The following EIPR1 variants were observed in gnomAD, a reference collection of about 807,000 sequenced individuals.
EIPR1 encodes the protein EARP complex and GARP complex interacting protein 1.
EIPR1 carries 25 observed loss-of-function variants against 48.1 expected under a neutral mutation model. The observed-to-expected ratio is 0.52, with a 90% CI of 0.38 to 0.73. The LOEUF (loss-of-function observed/expected upper bound fraction) is 0.73. Among genes scored for constraint, EIPR1 ranks in the 30% least tolerant of loss-of-function variants. The pLI is 0.00. For missense variants in EIPR1, 415 were observed against 506.2 expected, an observed-to-expected ratio of 0.82 and a Z score of 1.73; for synonymous variants, 204 against 201.9, an observed-to-expected ratio of 1.01 and a Z score of -0.09.
chr2:3,342,607 T>C lies in EIPR1; in HGVS notation c.127-4458A>G, dbSNP rs1670285585. ...CCACCTGGGCCCGCCTTTCTTCCCA[T>C]AAAGCTGTTTTCCTTCTTGTGAAGA... On this transcript the variant is annotated intron_variant, in intron 2 of 8. Transcript: ENST00000382125. Among the ~76,000 whole-genome samples, 5 of 152,248 alleles carry C rather than the reference T, an allele frequency of 3.3e-5. 1 individual carries two copies. The South Asian group carries it at 1.0e-3, about 31-fold the overall frequency.
At chr2:3,368,526 G>A (rs2103390429) in intron 1 of EIPR1, among the ~76,000 whole-genome samples, 1 of 152,262 alleles carries the variant, frequency 6.6e-6, no homozygotes, top group East Asian at 1.9e-4. Context: ...CCTACACATG[G>A]GCAGAGCCAC....
intron 4 of EIPR1, among the ~76,000 whole-genome samples, chr2:3,249,146 A>C (rs892171052): frequency 1.3e-5 from 2 of 152,210 alleles, no homozygotes; most frequent in African/African-American, 2.4e-5. Flanking sequence ...TCAGAAAAAG[A>C]AAGCAAGATG....
chr2:3,249,197 G>A (rs143261238), intron 4 of EIPR1, among the ~76,000 whole-genome samples: 1 of 152,200 alleles, frequency 6.6e-6, no homozygotes, highest in Non-Finnish European at 1.5e-5. Context: ...TTGAGTGATT[G>A]TAGCCAAAAT....
chr2:3,366,590 A>G (rs1670978277), intron 1 of EIPR1, among the ~76,000 whole-genome samples: 2 of 152,354 alleles, frequency 1.3e-5, no homozygotes, highest in South Asian at 2.1e-4. Flanking sequence ...AATAAAATCA[A>G]GAAGTGAGTG....
intron 1 of EIPR1, among the ~76,000 whole-genome samples, chr2:3,356,700 C>A (rs958628485): frequency 2.6e-5 from 4 of 152,166 alleles, no homozygotes; most frequent in African/African-American, 4.8e-5. Context: ...ATTATTTAAT[C>A]GCATGGGTCA....
chr2:3,341,879 A>G (rs1301852660), intron 2 of EIPR1, among the ~76,000 whole-genome samples: 1 of 152,178 alleles, frequency 6.6e-6, no homozygotes, highest in Non-Finnish European at 1.5e-5. Flanking sequence ...ACTAGTAACA[A>G]ATACATGAAG....
chr2:3,229,959 G>C (rs765912327), intron 4 of EIPR1, among the ~76,000 whole-genome samples: 1 of 152,014 alleles, frequency 6.6e-6, no homozygotes, highest in Non-Finnish European at 1.5e-5. Context: ...TTACTCACAG[G>C]GGTATCTGCT....
At chr2:3,303,218 C>CA (rs1345051054) in intron 3 of EIPR1, among the ~76,000 whole-genome samples, 1 of 152,194 alleles carries the variant, frequency 6.6e-6, no homozygotes, top group African/African-American at 2.4e-5. Context: ...AAAAGGAGAT[C>CA]AACGTGAGGG....
intron 1 of EIPR1, among the ~76,000 whole-genome samples, chr2:3,358,735 A>T (rs1035317844): frequency 6.6e-5 from 10 of 152,236 alleles, no homozygotes; most frequent in Admixed American, 6.5e-4. Context: ...GATGAGGAGG[A>T]GGGCAAGCCA....
chr2:3,279,610 C>T (rs1253921360), intron 3 of EIPR1, among the ~76,000 whole-genome samples: 1 of 152,180 alleles, frequency 6.6e-6, no homozygotes, highest in Non-Finnish European at 1.5e-5. Flanking sequence ...GAAATGAATG[C>T]ACATATCATG....
intron 4 of EIPR1, among the ~76,000 whole-genome samples, chr2:3,234,883 C>G (rs1453447413): frequency 1.3e-5 from 2 of 152,264 alleles, no homozygotes; most frequent in Admixed American, 1.3e-4. Context: ...CCAAAAGACA[C>G]TCCAGAGAGT....
At position 3,189,612 on chromosome 2, in the gene EIPR1, C is replaced by T. The variant is rs991937814; in HGVS notation, c.990-104G>A. The T allele has an allele frequency of 3.9e-5, 45 of 1,144,016 alleles. No homozygotes were observed. Among genetic ancestry groups the T allele is most frequent in the Non-Finnish European group, 5.0e-5 (42 of 846,314 alleles). The allele number at this position is 1,144,016 out of a possible 1,614,324, so 70.9% of individuals were successfully genotyped here. On this transcript the variant is annotated intron_variant, in intron 8 of 8. Coordinates refer to ENST00000382125, the MANE Select transcript of EIPR1 (RefSeq NM_003310.5). This position sits in a 1 kb window ranked among gnomAD's most constrained non-coding sequence, Gnocchi z 4.6. ...CTGACATCGGGAGACACGGGAGGTACTGGGGCCTCAGCTTTCTCCGCTGTG... is the reference window on the plus strand; with the variant it reads ...CTGACATCGGGAGACACGGGAGGTATTGGGGCCTCAGCTTTCTCCGCTGTG...
At chr2:3,250,805 C>T (rs921461514) in intron 4 of EIPR1, among the ~76,000 whole-genome samples, 2 of 152,164 alleles carry the variant, frequency 1.3e-5, no homozygotes, top group Non-Finnish European at 2.9e-5. Flanking sequence ...CTGGCAGCTG[C>T]TTCTTTCTCC....
chr2:3,252,352 A>T (rs1184183077), intron 4 of EIPR1, among the ~76,000 whole-genome samples: 2 of 152,208 alleles, frequency 1.3e-5, no homozygotes, highest in African/African-American at 4.8e-5. Context: ...GCACTTTCGG[A>T]GGCTGAGGTG....
At chr2:3,377,602 T>C in intron 1 of EIPR1, 46 bp downstream of exon 1, 1 of 1,555,124 alleles carries the variant, frequency 6.4e-7, no homozygotes, top group Non-Finnish European at 8.7e-7. Context: ...GCGCATGCTA[T>C]CAACAGCCAG....
At chr2:3,355,357 C>T (rs1670696458) in intron 1 of EIPR1, among the ~76,000 whole-genome samples, 1 of 152,208 alleles carries the variant, frequency 6.6e-6, no homozygotes. Flanking sequence ...TCAGACCAAC[C>T]TGCACAGGCT....
intron 2 of EIPR1, among the ~76,000 whole-genome samples, chr2:3,346,642 C>T (rs1298668364): frequency 6.6e-6 from 1 of 152,056 alleles, no homozygotes; most frequent in Non-Finnish European, 1.5e-5. Flanking sequence ...AACATGAAGA[C>T]TTATTTTAGA....
chr2:3,328,632 G>A (rs34376856), intron 3 of EIPR1, among the ~76,000 whole-genome samples: 54,863 of 118,622 alleles, frequency 0.46, 13,240 homozygotes, highest in East Asian at 0.82. Flanking sequence ...GGCTCCCCTG[G>A]ATCAGAGCCC....
intron 2 of EIPR1, among the ~76,000 whole-genome samples, chr2:3,347,542 T>C (rs1218503432): frequency 1.3e-5 from 2 of 152,184 alleles, no homozygotes; most frequent in African/African-American, 2.4e-5. Context: ...CATGTGGAAC[T>C]GTGAGTCCAT....
Sources: allele counts gnomAD v4.1 joint callset (sites outside exome capture counted in the v4.1 genomes callset), GRCh38; gene constraint gnomAD v4.1.1; non-coding constraint Gnocchi (gnomAD v3.1); transcripts MANE v1.5; gene names NCBI Gene and HGNC (gene_info 2026-07-23, HGNC 2026-07-21).